The following CTNND2 variants were observed in gnomAD, a reference collection of about 807,000 sequenced individuals.
CTNND2 encodes the protein catenin delta-2.
A neutral mutation model predicts 144.4 loss-of-function variants in CTNND2; 22 were observed. The observed-to-expected ratio is 0.15, with a 90% CI of 0.11 to 0.22. The LOEUF is 0.22. CTNND2 is among the 10% of genes least tolerant of loss of function. The pLI, the probability that CTNND2 is intolerant of heterozygous loss-of-function variation, is 1.00. For missense variants in CTNND2, 1,353 were observed against 1,618.8 expected (o/e 0.84, Z 2.82); for synonymous variants, 751 against 695.6 (o/e 1.08, Z -1.25).
chr5:11,783,138 G>A (rs940542264), intron 1 of CTNND2, among the ~76,000 whole-genome samples: 4 of 152,168 alleles, frequency 2.6e-5, no homozygotes, highest in Non-Finnish European at 5.9e-5. Context: ...GAGATCATGT[G>A]TCTAGCTCTT....
At chr5:11,275,561 G>A (rs1746441378) in intron 9 of CTNND2, among the ~76,000 whole-genome samples, 1 of 152,206 alleles carries the variant, frequency 6.6e-6, no homozygotes, top group South Asian at 2.1e-4. Context: ...ACCACTCTGA[G>A]TTGCTCTGTT....
intron 3 of CTNND2, among the ~76,000 whole-genome samples, chr5:11,417,352 C>G (rs1225131082): frequency 6.6e-6 from 1 of 152,090 alleles, no homozygotes; most frequent in Non-Finnish European, 1.5e-5. Flanking sequence ...CTAAAAAACT[C>G]CTACCAGAAA....
chr5:11,136,608 C>T (rs1468114323), intron 12 of CTNND2, among the ~76,000 whole-genome samples: 3 of 152,208 alleles, frequency 2.0e-5, no homozygotes, highest in Non-Finnish European at 4.4e-5. Context: ...TCCCACACAC[C>T]TACATTCAAT....
chr5:11,887,085 T>A (rs959916720), intron 1 of CTNND2, among the ~76,000 whole-genome samples: 3 of 144,242 alleles, frequency 2.1e-5, no homozygotes, highest in South Asian at 2.4e-4. Context: ...CCGGGTTCAC[T>A]CCATTCTTCT....
intron 2 of CTNND2, among the ~76,000 whole-genome samples, chr5:11,688,196 T>G (rs1784743490): frequency 6.6e-6 from 1 of 152,126 alleles, no homozygotes; most frequent in Non-Finnish European, 1.5e-5. Context: ...CAAGCCAATC[T>G]TCCAAGCTGG....
At chr5:11,116,224 G>T (rs190001028) in intron 13 of CTNND2, among the ~76,000 whole-genome samples, 1 of 152,204 alleles carries the variant, frequency 6.6e-6, no homozygotes, top group Non-Finnish European at 1.5e-5. Flanking sequence ...TTAAGGTCAC[G>T]GTTCATAACC....
At chr5:11,590,162 C>T (rs182474725) in intron 2 of CTNND2, among the ~76,000 whole-genome samples, 27 of 151,754 alleles carry the variant, frequency 1.8e-4, no homozygotes, top group Admixed American at 4.6e-4. Context: ...TCTCCTGCCT[C>T]GGCCTCCCGA....
At position 11,039,563 on chromosome 5, in the gene CTNND2, T is replaced by A. The variant is rs562575909; in HGVS notation, c.2789-16584A>T. On this transcript the variant is annotated intron_variant, in intron 16 of 21. Coordinates refer to ENST00000304623, the MANE Select transcript of CTNND2 (RefSeq NM_001332.4). ...ATTTCAAGAGATGCCTTGATTTTTT[T>A]AAAAAATGAATCTTCTTTTATAATC... Among the ~76,000 whole-genome samples the A allele has an allele frequency of 3.9e-5, 6 of 152,256 alleles. No individual in the cohort carries two copies. The East Asian group carries it at 5.8e-4, about 15-fold the overall frequency.
At chr5:11,323,231 T>TGC (rs1752211125) in intron 9 of CTNND2, among the ~76,000 whole-genome samples, 1 of 121,736 alleles carries the variant, frequency 8.2e-6, no homozygotes, top group East Asian at 2.7e-4. Flanking sequence ...ATTTAGAGAT[T>TGC]GGGGGGGGGG....
chr5:11,500,895 T>C (rs1174043835), intron 3 of CTNND2, among the ~76,000 whole-genome samples: 1 of 152,220 alleles, frequency 6.6e-6, no homozygotes, highest in Non-Finnish European at 1.5e-5. Context: ...TATTACTATA[T>C]AGACAAAACC....
chr5:11,012,558 C>T (rs1040331241), intron 18 of CTNND2, among the ~76,000 whole-genome samples: 7 of 152,156 alleles, frequency 4.6e-5, no homozygotes, highest in Admixed American at 6.6e-5. Flanking sequence ...CCTGGTGAAT[C>T]GGAGGGCTAC....
Position 11,382,599 on chromosome 5 carries a change from G to A in CTNND2, c.1177+2066C>T, listed in dbSNP as rs1470334277. On this transcript the variant is annotated intron_variant, in intron 7 of 21. Transcript: ENST00000304623. The stretch of plus-strand genomic sequence containing the variant: ...GGCAACCGACAGAGTGAGACTCTGT[G>A]TGTGTGTGTGTGTGTGTGTGTGTGT... Among the ~76,000 whole-genome samples the A allele has an allele frequency of 4.5e-4, 37 of 81,480 alleles. 1 individual carries two copies. The East Asian group carries it at 0.018, about 39-fold the overall frequency. 53.5% of individuals were successfully genotyped at this position (81,480 alleles called of 152,430 possible).
chr5:11,865,598 G>A (rs998623827), intron 1 of CTNND2, among the ~76,000 whole-genome samples: 7 of 152,106 alleles, frequency 4.6e-5, no homozygotes, highest in African/African-American at 9.6e-5. Context: ...GAAAATACCC[G>A]CCAAATGCAT....
chr5:11,260,853 T>C (rs1334530970), intron 9 of CTNND2, among the ~76,000 whole-genome samples: 1 of 152,192 alleles, frequency 6.6e-6, no homozygotes, highest in Non-Finnish European at 1.5e-5. Flanking sequence ...ACATAAAATT[T>C]ACTATTATAG....
chr5:11,447,356 GACAA>G (rs1291494637), intron 3 of CTNND2, among the ~76,000 whole-genome samples: 21 of 149,320 alleles, frequency 1.4e-4, no homozygotes, highest in Admixed American at 5.3e-4. Context: ...AAAAAAAAAA[GACAA>G]ACAAACAAAC....
At chr5:11,749,032 A>G (rs762880979) in intron 1 of CTNND2, among the ~76,000 whole-genome samples, 4 of 152,042 alleles carry the variant, frequency 2.6e-5, no homozygotes, top group African/African-American at 4.8e-5. Context: ...ATGGAGAAAG[A>G]GGTCCACGTA....
intron 3 of CTNND2, among the ~76,000 whole-genome samples, chr5:11,557,219 C>T (rs745544318): frequency 1.3e-5 from 2 of 152,100 alleles, no homozygotes; most frequent in Non-Finnish European, 2.9e-5. Context: ...CCAACAGCAA[C>T]GTTCACTGTT....
Position 11,583,855 on chromosome 5 carries a change from C to T in CTNND2, c.175-18799G>A, listed in dbSNP as rs140321265. ...TTGCCAAATACATGCCCAAAAGTAC[C>T]AGCATCTACAAACTAAAGTCAGGGC... On this transcript the variant is annotated intron_variant, in intron 2 of 21. Coordinates refer to ENST00000304623, the MANE Select transcript of CTNND2 (RefSeq NM_001332.4). Among the ~76,000 whole-genome samples the T allele has an allele frequency of 3.3e-5, 5 of 152,198 alleles. No homozygotes were observed. In the East Asian group the frequency reaches 9.7e-4, roughly 29 times the overall value.
intron 7 of CTNND2, among the ~76,000 whole-genome samples, chr5:11,380,429 T>C (rs73042275): frequency 2.6e-5 from 4 of 152,198 alleles, no homozygotes; most frequent in African/African-American, 7.2e-5. Context: ...TGCAAAAGTA[T>C]ATGAATAGAT....
Sources: allele counts gnomAD v4.1 joint callset (sites outside exome capture counted in the v4.1 genomes callset), GRCh38; gene constraint gnomAD v4.1.1; transcripts MANE v1.5; gene names NCBI Gene and HGNC (gene_info 2026-07-23, HGNC 2026-07-21).